The following LRRC4C variants were observed in gnomAD, a reference collection of about 807,000 sequenced individuals.
The protein encoded by LRRC4C is leucine-rich repeat-containing protein 4C.
Under a neutral mutation model 33.6 loss-of-function variants are expected in LRRC4C, and 5 were observed. That is an observed-to-expected ratio of 0.15 (90% CI 0.08 to 0.31). The LOEUF (loss-of-function observed/expected upper bound fraction) is 0.31. LRRC4C is among the 10% of genes least tolerant of loss of function. The pLI, the probability that LRRC4C is intolerant of heterozygous loss-of-function variation, is 1.00. For missense variants in LRRC4C, 560 were observed against 796.7 expected (o/e 0.70, Z 3.58); for synonymous variants, 329 against 302.0 (o/e 1.09, Z -0.93).
Position 40,458,237 on chromosome 11 carries a change from C to T in LRRC4C, c.-269-138516G>A, listed in dbSNP as rs866759474. ...GACTGCCTGTGTGTGTGTCTGTGTG[C>T]GTGCATGCACACACATGTGTATGTA... is the stretch of plus-strand genomic sequence containing the variant. On this transcript the variant is annotated intron_variant, in intron 3 of 6. Transcript: ENST00000528697. 5.9e-4 allele frequency among the ~76,000 whole-genome samples: 89 copies of T among 152,118 alleles called. 1 individual carries two copies. The highest frequency in any genetic ancestry group is 2.0e-3 in the African/African-American group (84 of 41,508).
At chr11:40,731,236 G>C (rs1051430198) in intron 2 of LRRC4C, among the ~76,000 whole-genome samples, 1 of 152,036 alleles carries the variant, frequency 6.6e-6, no homozygotes, top group East Asian at 1.9e-4. Flanking sequence ...GGAGAATGGC[G>C]TGAACCCGGG....
chr11:41,095,297 C>T (rs780061418), intron 1 of LRRC4C, among the ~76,000 whole-genome samples: 2 of 152,080 alleles, frequency 1.3e-5, no homozygotes, highest in Non-Finnish European at 2.9e-5. Flanking sequence ...GAAAATCCAC[C>T]CCCATAATCC....
intron 4 of LRRC4C, among the ~76,000 whole-genome samples, chr11:40,299,422 C>T (rs975151690): frequency 1.3e-5 from 2 of 152,148 alleles, no homozygotes; most frequent in Admixed American, 6.5e-5. Context: ...TAGCTCCTCT[C>T]TAGTACCAGC....
chr11:40,472,742 C>A (rs553857894), intron 3 of LRRC4C, among the ~76,000 whole-genome samples: 1 of 151,968 alleles, frequency 6.6e-6, no homozygotes, highest in East Asian at 1.9e-4. Flanking sequence ...ATAGTATAAT[C>A]AAATAGACAC....
intron 2 of LRRC4C, among the ~76,000 whole-genome samples, chr11:40,788,956 G>T (rs1444125218): frequency 2.0e-5 from 3 of 152,032 alleles, no homozygotes; most frequent in Non-Finnish European, 4.4e-5. Context: ...AGCTGGGCAT[G>T]GTAGCGGGCG....
At chr11:40,175,259 A>G (rs1860377816) in intron 5 of LRRC4C, among the ~76,000 whole-genome samples, 1 of 152,258 alleles carries the variant, frequency 6.6e-6, no homozygotes, top group African/African-American at 2.4e-5. Context: ...GAGAATTCAC[A>G]AAGTTGTATA....
rs144919997 is a variant in LRRC4C, at chr11:41,336,511, G to T, written c.-496+122920C>A. 2.1e-3 allele frequency among the ~76,000 whole-genome samples: 313 copies of T among 152,174 alleles called. 1 individual carries two copies. The highest frequency in any genetic ancestry group is 7.1e-3 in the African/African-American group (294 of 41,542). ...AAGTATAGTAGAAAGAAGCAAACTAGTTTTACCAATGAATTTACAAGTAAG... is the reference window on the plus strand; with the variant it reads ...AAGTATAGTAGAAAGAAGCAAACTATTTTTACCAATGAATTTACAAGTAAG... On this transcript the variant is annotated intron_variant, in intron 1 of 6. Coordinates refer to ENST00000528697, the MANE Select transcript of LRRC4C (RefSeq NM_001258419.2).
chr11:40,762,963 A>G (rs1330297344), intron 2 of LRRC4C, among the ~76,000 whole-genome samples: 1 of 151,668 alleles, frequency 6.6e-6, no homozygotes, highest in African/African-American at 2.4e-5. Context: ...AAATTTTTGC[A>G]TATTAACAGG....
intron 4 of LRRC4C, among the ~76,000 whole-genome samples, chr11:40,314,036 C>T (rs1284768583): frequency 6.6e-6 from 1 of 151,608 alleles, no homozygotes; most frequent in African/African-American, 2.4e-5. Context: ...TTTTGCACAG[C>T]CAAGGAAACA....
At chr11:40,142,277 CAAAAAAAAAAAAAAAAA>C (rs10577509) in intron 5 of LRRC4C, among the ~76,000 whole-genome samples, 1 of 60,778 alleles carries the variant, frequency 1.6e-5, no homozygotes, top group African/African-American at 6.6e-5. Context: ...GATTCTGTCT[CAAAAAAAAAAAAAAAAA>C]AAAAAAAAAA....
At chr11:40,360,339 A>T (rs1370987333) in intron 3 of LRRC4C, among the ~76,000 whole-genome samples, 7 of 152,132 alleles carry the variant, frequency 4.6e-5, no homozygotes, top group Admixed American at 3.9e-4. Context: ...TGATACAGAG[A>T]TCTGCTGAGA....
At chr11:40,793,169 C>T (rs1029027325) in intron 2 of LRRC4C, among the ~76,000 whole-genome samples, 1 of 151,802 alleles carries the variant, frequency 6.6e-6, no homozygotes, top group Non-Finnish European at 1.5e-5. Flanking sequence ...GAAATCTTAC[C>T]AAACTCAAAT....
chr11:40,913,943 T>C (rs1421457921), intron 2 of LRRC4C, among the ~76,000 whole-genome samples: 1 of 151,926 alleles, frequency 6.6e-6, no homozygotes, highest in Non-Finnish European at 1.5e-5. Flanking sequence ...AACTGGAAAA[T>C]CTAGAAGAAA....
intron 1 of LRRC4C, among the ~76,000 whole-genome samples, chr11:41,285,827 A>T (rs1348038569): frequency 3.3e-5 from 5 of 151,658 alleles, no homozygotes; most frequent in Admixed American, 3.3e-4. Flanking sequence ...TATTTTATTT[A>T]TTTTATTTTA....
At chr11:40,424,820 C>T (rs935566528) in intron 3 of LRRC4C, among the ~76,000 whole-genome samples, 4 of 152,166 alleles carry the variant, frequency 2.6e-5, no homozygotes, top group African/African-American at 9.7e-5. Flanking sequence ...ACACTGAAAG[C>T]CTCTGAGGAA....
intron 1 of LRRC4C, among the ~76,000 whole-genome samples, chr11:41,257,990 G>GA (rs1237419566): frequency 5.3e-5 from 8 of 151,504 alleles, no homozygotes; most frequent in Non-Finnish European, 1.2e-4. Context: ...TTATTATTTA[G>GA]AAAAAGAAAG....
intron 1 of LRRC4C, among the ~76,000 whole-genome samples, chr11:41,258,348 T>C (rs932295524): frequency 6.6e-6 from 1 of 151,940 alleles, no homozygotes; most frequent in Non-Finnish European, 1.5e-5. Flanking sequence ...CCTTCACGAG[T>C]TCTCTAAGAA....
At chr11:40,916,221 C>T (rs1288141392) in intron 2 of LRRC4C, among the ~76,000 whole-genome samples, 1 of 152,190 alleles carries the variant, frequency 6.6e-6, no homozygotes, top group African/African-American at 2.4e-5. Context: ...GATTATAAAT[C>T]ATGCCACTAT....
rs71060962 is a variant in LRRC4C, at chr11:40,451,366, C to CTTTTTTTTT, written c.-269-131654_-269-131646dup. On this transcript the variant is annotated intron_variant, in intron 3 of 6. Transcript: ENST00000528697. ...ACTATTAGCCTTACAGAAATAATGA[C>CTTTTTTTTT]TTTTTTTTTTTTTTTTTTTTTTTTT... Among the ~76,000 whole-genome samples, 12 of 47,088 alleles carry CTTTTTTTTT rather than the reference C, an allele frequency of 2.5e-4. 3 individuals carry two copies. Among genetic ancestry groups the CTTTTTTTTT allele is most frequent in the African/African-American group, 1.1e-3 (12 of 10,754 alleles). The allele number at this position is 47,088 out of a possible 152,430, so 30.9% of individuals were successfully genotyped here.
Sources: gnomAD v4.1 joint callset for allele counts (sites outside exome capture counted in the v4.1 genomes callset) on GRCh38, gnomAD v4.1.1 for gene constraint, MANE v1.5 for transcripts, NCBI Gene and HGNC (gene_info 2026-07-23, HGNC 2026-07-21) for gene names.